The following MAGI2 variants were observed in gnomAD, a reference collection of about 807,000 sequenced individuals.
The protein encoded by MAGI2 is membrane-associated guanylate kinase, WW and PDZ domain-containing protein 2.
In MAGI2, 35 loss-of-function variants were observed where a neutral mutation model predicts 133.3. The observed-to-expected ratio is 0.26, with a 90% CI of 0.20 to 0.35. The LOEUF (loss-of-function observed/expected upper bound fraction) is 0.35. MAGI2 is among the 10% of genes least tolerant of loss of function. MAGI2 has a pLI of 1.00. For missense variants in MAGI2, 1,636 were observed against 1,863.4 expected, an observed-to-expected ratio of 0.88 and a Z score of 2.25; for synonymous variants, 729 against 710.6, an observed-to-expected ratio of 1.03 and a Z score of -0.41.
intron 9 of MAGI2, among the ~76,000 whole-genome samples, chr7:78,271,378 G>A (rs1323338379): frequency 1.3e-5 from 2 of 152,098 alleles, no homozygotes; most frequent in African/African-American, 4.8e-5. Flanking sequence ...GAGGATTTTC[G>A]AATTGAGGTT....
chr7:78,889,057 A>G (rs1796509751), intron 2 of MAGI2, among the ~76,000 whole-genome samples: 1 of 152,230 alleles, frequency 6.6e-6, no homozygotes. Flanking sequence ...GCTGAAAACC[A>G]TGGCACAAGA....
intron 5 of MAGI2, among the ~76,000 whole-genome samples, chr7:78,501,195 C>A (rs1403271272): frequency 6.6e-6 from 1 of 152,110 alleles, no homozygotes. Context: ...GGTGAATATT[C>A]CTCCAACTAG....
At chr7:78,685,975 C>CTTTT (rs111441733) in intron 2 of MAGI2, among the ~76,000 whole-genome samples, 3 of 141,572 alleles carry the variant, frequency 2.1e-5, no homozygotes, top group Admixed American at 1.4e-4. Context: ...TTTTTCTTTT[C>CTTTT]TTTTTTTTTT....
chr7:79,059,201 AT>A (rs775357407), intron 1 of MAGI2, among the ~76,000 whole-genome samples: 5 of 151,710 alleles, frequency 3.3e-5, no homozygotes, highest in African/African-American at 1.2e-4. Flanking sequence ...ATATCCTGTG[AT>A]TTTTTTTGTA....
chr7:78,151,811 C>G (rs768581483), intron 16 of MAGI2, among the ~76,000 whole-genome samples: 27 of 152,252 alleles, frequency 1.8e-4, no homozygotes, highest in Middle Eastern at 3.4e-3. Flanking sequence ...GTCACGCTAC[C>G]TTTGCGAGAT....
At chr7:79,019,830 C>T (rs552374608) in intron 1 of MAGI2, among the ~76,000 whole-genome samples, 237 of 152,266 alleles carry the variant, frequency 1.6e-3, no homozygotes, top group African/African-American at 5.5e-3. Flanking sequence ...CAGGCATGAG[C>T]CACTGAGCCT....
At chr7:78,195,900 A>C (rs1334612836) in intron 11 of MAGI2, among the ~76,000 whole-genome samples, 1 of 152,006 alleles carries the variant, frequency 6.6e-6, no homozygotes, top group Admixed American at 6.6e-5. Context: ...TTCAAACTCA[A>C]TTTTTCCTTC....
intron 6 of MAGI2, among the ~76,000 whole-genome samples, chr7:78,423,289 T>G (rs1044982412): frequency 2.6e-5 from 4 of 152,210 alleles, no homozygotes; most frequent in Non-Finnish European, 4.4e-5. Flanking sequence ...TCTCTTTGCC[T>G]GACGCCATCT....
intron 1 of MAGI2, among the ~76,000 whole-genome samples, chr7:79,168,889 G>GATATATATATATAT (rs1182056135): frequency 2.1e-4 from 3 of 14,624 alleles, no homozygotes; most frequent in Non-Finnish European, 2.1e-4. Context: ...TCTAAAGATA[G>GATATATATATATAT]ATATATATAT....
At chr7:78,249,748 G>A (rs1024273237) in intron 10 of MAGI2, among the ~76,000 whole-genome samples, 5 of 152,048 alleles carry the variant, frequency 3.3e-5, no homozygotes, top group African/African-American at 7.2e-5. Context: ...CAAAGGATAC[G>A]AAGTTACTGT....
chr7:78,612,789 C>T lies in MAGI2; in HGVS notation c.538+14331G>A, dbSNP rs557550529. Among the ~76,000 whole-genome samples, 19 of 152,102 alleles carry T rather than the reference C, an allele frequency of 1.2e-4. No homozygotes were observed. The South Asian group carries it at 3.9e-3, about 32-fold the overall frequency. The stretch of plus-strand genomic sequence containing the variant: ...GGTTCATGCCATTCTCCTGCCTCAG[C>T]CTCCCGAGAAGCTGGGACTACAGGC... On this transcript the variant is annotated intron_variant, in intron 3 of 21. Coordinates refer to ENST00000354212, the MANE Select transcript of MAGI2 (RefSeq NM_012301.4).
intron 6 of MAGI2, among the ~76,000 whole-genome samples, chr7:78,373,068 T>C (rs1270404658): frequency 6.6e-6 from 1 of 152,148 alleles, no homozygotes; most frequent in Non-Finnish European, 1.5e-5. Context: ...AGGAATCCTC[T>C]CCCCTCAGCC....
chr7:79,398,473 C>T (rs1425280660), intron 1 of MAGI2, among the ~76,000 whole-genome samples: 3 of 152,142 alleles, frequency 2.0e-5, no homozygotes, highest in Non-Finnish European at 4.4e-5. Context: ...CCAAATCTGT[C>T]AATGTCACTG....
chr7:79,160,231 T>C (rs1050426772), intron 1 of MAGI2, among the ~76,000 whole-genome samples: 2 of 152,128 alleles, frequency 1.3e-5, no homozygotes, highest in Non-Finnish European at 2.9e-5. Flanking sequence ...TGTTGATTTT[T>C]CTTTAAAAAA....
At chr7:78,534,488 T>G (rs181860278) in intron 3 of MAGI2, among the ~76,000 whole-genome samples, 57 of 152,340 alleles carry the variant, frequency 3.7e-4, no homozygotes, top group African/African-American at 1.3e-3. Context: ...TGTGTGCGTG[T>G]GCTCCCAAAT....
chr7:79,169,965 T>A lies in MAGI2; in HGVS notation c.302-162759A>T, dbSNP rs137967853. On this transcript the variant is annotated intron_variant, in intron 1 of 21. Transcript: ENST00000354212. ...ACTCTTTTCACTGAATTATAAATGA[T>A]CATTTCAATTGATGTTTATTCAAAA... is the stretch of plus-strand genomic sequence containing the variant. Among the ~76,000 whole-genome samples, 71 of 151,982 alleles carry A rather than the reference T, an allele frequency of 4.7e-4. 1 individual carries two copies. In the East Asian group the frequency reaches 0.014, roughly 30 times the overall value.
intron 6 of MAGI2, among the ~76,000 whole-genome samples, chr7:78,405,270 T>C (rs994532539): frequency 2.0e-5 from 3 of 152,160 alleles, no homozygotes; most frequent in African/African-American, 2.4e-5. Flanking sequence ...TCTGAAATAA[T>C]TTCATTCTGA....
At chr7:78,586,228 A>T (rs1034033999) in intron 3 of MAGI2, among the ~76,000 whole-genome samples, 1 of 152,182 alleles carries the variant, frequency 6.6e-6, no homozygotes, top group African/African-American at 2.4e-5. Flanking sequence ...CCCTCTCTGG[A>T]TAACTGAAGA....
intron 1 of MAGI2, among the ~76,000 whole-genome samples, chr7:79,182,477 C>T (rs1315437065): frequency 6.6e-5 from 10 of 151,930 alleles, no homozygotes; most frequent in South Asian, 2.1e-4. Flanking sequence ...CCACCTCCCA[C>T]GGGGTACCTC....
Sources: gnomAD v4.1 joint callset for allele counts (sites outside exome capture counted in the v4.1 genomes callset) on GRCh38, gnomAD v4.1.1 for gene constraint, MANE v1.5 for transcripts, NCBI Gene and HGNC (gene_info 2026-07-23, HGNC 2026-07-21) for gene names.